Variants in C1orf198 observed in about 807,000 individuals in gnomAD.
The protein encoded by C1orf198 is chromosome 1 open reading frame 198.
In C1orf198, 17 loss-of-function variants were observed where a neutral mutation model predicts 31.4. That is an observed-to-expected ratio of 0.54 (90% CI 0.37 to 0.81). The LOEUF is 0.81. Among genes scored for constraint, C1orf198 ranks in the 40% least tolerant of loss-of-function variants. C1orf198 has a pLI of 0.00. For missense variants in C1orf198, 401 were observed against 450.3 expected, an observed-to-expected ratio of 0.89 and a Z score of 0.99; for synonymous variants, 175 against 193.8, an observed-to-expected ratio of 0.90 and a Z score of 0.81.
chr1:230,860,324 C>A (rs1669978823), intron 1 of C1orf198, among the ~76,000 whole-genome samples: 1 of 152,086 alleles, frequency 6.6e-6, no homozygotes, highest in Non-Finnish European at 1.5e-5. Flanking sequence ...ATTACACATA[C>A]AATTACCATT....
At chr1:230,859,919 A>AT (rs1205760022) in intron 1 of C1orf198, among the ~76,000 whole-genome samples, 1 of 152,156 alleles carries the variant, frequency 6.6e-6, no homozygotes, top group East Asian at 1.9e-4. Flanking sequence ...TTACTTGTTG[A>AT]TAAAAAAAAT....
intron 3 of C1orf198, among the ~76,000 whole-genome samples, chr1:230,841,434 C>T (rs1252516797): frequency 3.9e-5 from 6 of 152,164 alleles, no homozygotes; most frequent in Non-Finnish European, 5.9e-5. Flanking sequence ...CAGTGATGAT[C>T]TCAACTCAAC....
intron 1 of C1orf198, among the ~76,000 whole-genome samples, chr1:230,858,492 C>T (rs1669929944): frequency 6.6e-6 from 1 of 152,224 alleles, no homozygotes; most frequent in Non-Finnish European, 1.5e-5. Flanking sequence ...CGGCTCTTCA[C>T]AGCTCTTAGT....
At chr1:230,852,801 G>C (rs1406499455) in intron 2 of C1orf198, among the ~76,000 whole-genome samples, 1 of 152,188 alleles carries the variant, frequency 6.6e-6, no homozygotes, top group African/African-American at 2.4e-5. Context: ...TACAATCTTA[G>C]ATTTAAAATG....
At position 230,843,717 on chromosome 1, in the gene C1orf198, C is replaced by T. The variant is rs775769596; in HGVS notation, c.564G>A (p.Ala188=). 1.7e-5 allele frequency: 27 copies of T among 1,614,110 alleles called. No individual in the cohort carries two copies. Among genetic ancestry groups the T allele is most frequent in the East Asian group, 1.1e-4 (5 of 44,866 alleles). Residue 188 remains alanine, a synonymous_variant, in exon 3 of 4, where the codon GCG becomes GCA. Transcript: ENST00000366663. The surrounding 1 kb of genome is among the most constrained non-coding windows in gnomAD (Gnocchi z 4.9). Reference sequence around the variant, plus strand: ...GCTCAGCATTGATCTTCCAGAATGACGCTTCCTCCTCCTTCCTGGTGGGGC... The same window carrying T: ...GCTCAGCATTGATCTTCCAGAATGATGCTTCCTCCTCCTTCCTGGTGGGGC... The part of the protein sequence containing the change: ...ALGPTRKEEE[A]SFWKINAERS...
At position 230,860,179 on chromosome 1, in the gene C1orf198, A is replaced by C. The variant is rs1168915459; in HGVS notation, c.334-4461T>G. ...TAAAGGTAATATACTTCACACCCACAAGGATGGCTACTATCAAAAAGCAGA... is the reference window on the plus strand; with the variant it reads ...TAAAGGTAATATACTTCACACCCACCAGGATGGCTACTATCAAAAAGCAGA... On this transcript the variant is annotated intron_variant, in intron 1 of 3. Transcript: ENST00000366663. 5.3e-5 allele frequency among the ~76,000 whole-genome samples: 8 copies of C among 152,326 alleles called. No individual in the cohort carries two copies. The East Asian group carries it at 9.6e-4, about 18-fold the overall frequency.
chr1:230,847,268 GA>G (rs1669618225), intron 2 of C1orf198, among the ~76,000 whole-genome samples: 1 of 145,116 alleles, frequency 6.9e-6, no homozygotes, highest in South Asian at 2.1e-4. Context: ...AACAGAATGA[GA>G]CTCTGTCTCA....
At chr1:230,868,141 C>T in intron 1 of C1orf198, 39 bp downstream of exon 1, 3 of 1,345,426 alleles carry the variant, frequency 2.2e-6, no homozygotes, top group Non-Finnish European at 2.8e-6. Flanking sequence ...CTCGGGGCGC[C>T]GGGAGGGGAA....
chr1:230,868,513 G>C lies in C1orf198; in HGVS notation c.-1C>G. On this transcript the variant is annotated 5_prime_UTR_variant, in exon 1 of 4. Transcript: ENST00000366663. ...CGATCGCCGCCGCCATGGACGCCAT[G>C]CCCGGCCTGCCCGCCGCTCCCGGCC... is the stretch of plus-strand genomic sequence containing the variant. 2.2e-6 allele frequency: 3 copies of C among 1,336,426 alleles called. No homozygotes were observed. Among genetic ancestry groups the C allele is most frequent in the Non-Finnish European group, 2.9e-6 (3 of 1,035,986 alleles). The allele number at this position is 1,336,426 out of a possible 1,614,324, so 82.8% of individuals were successfully genotyped here. A position where few individuals can be genotyped will look rare whatever the true frequency, so the allele number is the denominator to read the frequency against.
rs964980082 is a variant in C1orf198 at position 230,844,000 on chromosome 1, A to C, written c.385-104T>G. ...ACCCCTCCTCAGCATAAGGACGCAC[A>C]CCAGCCACACACGAGTTGTTGCCCA... On this transcript the variant is annotated intron_variant, in intron 2 of 3. Coordinates refer to ENST00000366663, the MANE Select transcript of C1orf198 (RefSeq NM_032800.3). This position sits in a 1 kb window ranked among gnomAD's most constrained non-coding sequence, Gnocchi z 4.9. 1.5e-3 allele frequency: 1,737 copies of C among 1,176,890 alleles called. No individual in the cohort carries two copies. Among genetic ancestry groups the C allele is most frequent in the Admixed American group, 0.011 (411 of 38,010 alleles). 72.9% of individuals were successfully genotyped at this position (1,176,890 alleles called of 1,614,324 possible).
At position 230,839,671 on chromosome 1, in the gene C1orf198, T is replaced by C. The variant is rs1669393685; in HGVS notation, c.*181A>G. On this transcript the variant is annotated 3_prime_UTR_variant, in exon 4 of 4. Coordinates refer to ENST00000366663, the MANE Select transcript of C1orf198 (RefSeq NM_032800.3). ...TTATCAAATCACTGAAAATAGCATA[T>C]ATATCTGGTTCTACCAAAAAAGAAA... 2 of 561,290 alleles carry C rather than the reference T, an allele frequency of 3.6e-6. No individual in the cohort carries two copies. The highest frequency in any genetic ancestry group is 6.1e-6 in the Non-Finnish European group (2 of 325,872). The allele number at this position is 561,290 out of a possible 1,614,324, so 34.8% of individuals were successfully genotyped here.
At chr1:230,851,034 A>G (rs968983881) in intron 2 of C1orf198, among the ~76,000 whole-genome samples, 5 of 151,838 alleles carry the variant, frequency 3.3e-5, no homozygotes, top group African/African-American at 1.2e-4. Context: ...AGGGTGAAAG[A>G]ATTCAGAGTA....
intron 2 of C1orf198, among the ~76,000 whole-genome samples, chr1:230,847,286 A>T (rs1402289616): frequency 1.3e-5 from 2 of 151,782 alleles, no homozygotes; most frequent in Non-Finnish European, 2.9e-5. Flanking sequence ...CTCAAAAAAA[A>T]AAAAAAGAAA....
At chr1:230,850,340 C>T (rs1472867758) in intron 2 of C1orf198, among the ~76,000 whole-genome samples, 2 of 152,238 alleles carry the variant, frequency 1.3e-5, no homozygotes, top group Non-Finnish European at 2.9e-5. Context: ...GTGAGGATTA[C>T]ACTCTGCAAT....
In C1orf198 at chr1:230,868,216, C is replaced by T; in HGVS notation, c.297G>A (p.Gly99=). The T allele has an allele frequency of 2.0e-6, 3 of 1,534,608 alleles. No homozygotes were observed. The highest frequency in any genetic ancestry group is 2.6e-6 in the Non-Finnish European group (3 of 1,143,190). ...AGCGCACCACCTTCTGGCCCGTGGG[C>T]CCGCGCAAGCCGGGGAAGCGCGTGA... ...EELTRFPGLR[G]PTGQKVVRFG... Residue 99 remains glycine (G), a synonymous_variant, in exon 1 of 4, where the codon GGG becomes GGA. Coordinates refer to ENST00000366663, the MANE Select transcript of C1orf198 (RefSeq NM_032800.3).
In C1orf198 at chr1:230,838,856, T is replaced by A. The variant is rs551562744; in HGVS notation, c.*996A>T. 6.6e-6 allele frequency: 1 copy of A among 152,540 alleles called. No individual in the cohort carries two copies. Among genetic ancestry groups the A allele is most frequent in the South Asian group, 2.1e-4 (1 of 4,830 alleles). 9.4% of individuals were successfully genotyped at this position (152,540 alleles called of 1,614,324 possible). A position where few individuals can be genotyped will look rare whatever the true frequency, so the allele number is the denominator to read the frequency against. ...CTGAGTTGACCGCAAACTCCACTCTTCCACTTCTGGTGGTGGTCAGGGCTG... is the reference window on the plus strand; with the variant it reads ...CTGAGTTGACCGCAAACTCCACTCTACCACTTCTGGTGGTGGTCAGGGCTG... On this transcript the variant is annotated 3_prime_UTR_variant, in exon 4 of 4. Transcript: ENST00000366663. The surrounding 1 kb of genome is among the most constrained non-coding windows in gnomAD (Gnocchi z 4.2).
chr1:230,850,333 A>T (rs1162227092), intron 2 of C1orf198, among the ~76,000 whole-genome samples: 1 of 152,212 alleles, frequency 6.6e-6, no homozygotes, highest in Admixed American at 6.5e-5. Context: ...GGTTGCTGTG[A>T]GGATTACACT....
intron 2 of C1orf198, among the ~76,000 whole-genome samples, chr1:230,851,308 A>T (rs1354688540): frequency 6.6e-6 from 1 of 152,140 alleles, no homozygotes; most frequent in African/African-American, 2.4e-5. Flanking sequence ...GGGAGGGGCA[A>T]GGCTGGGGAC....
intron 2 of C1orf198, among the ~76,000 whole-genome samples, chr1:230,845,527 A>C (rs1297265557): frequency 6.6e-6 from 1 of 152,150 alleles, no homozygotes; most frequent in Non-Finnish European, 1.5e-5. Context: ...TAATAAAAAT[A>C]CAAAATTAGC....
Sources: allele counts gnomAD v4.1 joint callset (sites outside exome capture counted in the v4.1 genomes callset), GRCh38; gene constraint gnomAD v4.1.1; non-coding constraint Gnocchi (gnomAD v3.1); transcripts MANE v1.5; gene names NCBI Gene and HGNC (gene_info 2026-07-23, HGNC 2026-07-21).